JPH3: variants seen among roughly 807,000 people sequenced by gnomAD.
JPH3 encodes junctophilin 3, also known as junctophilin-3.
Under a neutral mutation model 59.6 loss-of-function variants are expected in JPH3, and 11 were observed. That is an observed-to-expected ratio of 0.18 (90% CI 0.12 to 0.31). The LOEUF (loss-of-function observed/expected upper bound fraction) is 0.31, where lower values mean the gene tolerates loss of function less well. Among genes scored for constraint, JPH3 ranks in the 10% least tolerant of loss-of-function variants. JPH3 has a pLI of 1.00. For missense variants in JPH3, 1,202 were observed against 1,105.7 expected, an observed-to-expected ratio of 1.09 and a Z score of -1.24; for synonymous variants, 673 against 483.6, an observed-to-expected ratio of 1.39 and a Z score of -5.14.
At chr16:87,627,674 A>G (rs2031427183) in intron 1 of JPH3, among the ~76,000 whole-genome samples, 2 of 152,236 alleles carry the variant, frequency 1.3e-5, no homozygotes, top group Admixed American at 6.5e-5. Flanking sequence ...TTTTATCCCC[A>G]TCTTACAGTA....
chr16:87,678,750 A>G (rs1217035963), intron 2 of JPH3, among the ~76,000 whole-genome samples: 1 of 152,188 alleles, frequency 6.6e-6, no homozygotes, highest in African/African-American at 2.4e-5. Flanking sequence ...AATCCAACGA[A>G]GAGTGCCCTC....
chr16:87,605,506 C>T (rs565963356), intron 1 of JPH3, among the ~76,000 whole-genome samples: 6 of 152,244 alleles, frequency 3.9e-5, no homozygotes, highest in South Asian at 2.1e-4. Context: ...GAAGGAGCGG[C>T]GATTATGTTG....
rs147960653 is a variant in JPH3 at position 87,643,137 on chromosome 16, C to T, written c.383-1121C>T. ...AGGACCCCGTGTACATGGAATCATC[C>T]GATATGTGGCCTTTTGTGCCCAGCT... On this transcript the variant is annotated intron_variant, in intron 1 of 4. Coordinates refer to ENST00000284262, the MANE Select transcript of JPH3 (RefSeq NM_020655.4). Among the ~76,000 whole-genome samples, 386 of 152,308 alleles carry T rather than the reference C, an allele frequency of 2.5e-3. 1 individual carries two copies. The highest frequency in any genetic ancestry group is 3.3e-3 in the Non-Finnish European group (224 of 68,036).
At chr16:87,603,808 G>A (rs566901972) in intron 1 of JPH3, among the ~76,000 whole-genome samples, 1 of 152,366 alleles carries the variant, frequency 6.6e-6, no homozygotes, top group South Asian at 2.1e-4. Flanking sequence ...GGACACAGCA[G>A]GCCGGAGACC....
intron 2 of JPH3, among the ~76,000 whole-genome samples, chr16:87,674,206 C>T (rs747747257): frequency 1.3e-5 from 2 of 151,960 alleles, no homozygotes; most frequent in South Asian, 2.1e-4. Context: ...TGGTGGCGGG[C>T]GCCTGTAGTC....
chr16:87,639,070 C>T (rs921335878), intron 1 of JPH3, among the ~76,000 whole-genome samples: 6 of 152,176 alleles, frequency 3.9e-5, no homozygotes, highest in Admixed American at 1.3e-4. Context: ...AGGGCGGCCA[C>T]AGCCCCTCTC....
At chr16:87,640,135 T>C (rs1161234757) in intron 1 of JPH3, among the ~76,000 whole-genome samples, 1 of 152,110 alleles carries the variant, frequency 6.6e-6, no homozygotes, top group Non-Finnish European at 1.5e-5. Flanking sequence ...GAGACCATCC[T>C]GGCCAACATG....
At chr16:87,695,367 G>A (rs1444029698) in intron 4 of JPH3, 3 of 456,038 alleles carry the variant, frequency 6.6e-6, no homozygotes, top group Admixed American at 2.3e-5. Flanking sequence ...CATCCCTGAG[G>A]AATGTGCATC....
chr16:87,689,503 C>T (rs994701545), intron 3 of JPH3, 143 bp from the exon 4 acceptor site: 1 of 903,466 alleles, frequency 1.1e-6, no homozygotes, highest in South Asian at 1.6e-5. Context: ...CCCCACTCCC[C>T]TCCCTTGCCT....
intron 1 of JPH3, among the ~76,000 whole-genome samples, chr16:87,630,734 C>T (rs1001268558): frequency 6.6e-6 from 1 of 152,106 alleles, no homozygotes; most frequent in African/African-American, 2.4e-5. Flanking sequence ...AGACTGACCA[C>T]CATGTTTTTA....
chr16:87,684,169 G>A lies in JPH3; in HGVS notation c.1188G>A (p.Glu396=). ...SRTSHSRAKA[E]AALTAAQKAQ... is the part of the protein sequence containing the mutation. The stretch of plus-strand genomic sequence containing the variant: ...CCTCCCACTCTCGGGCAAAGGCCGA[G>A]GCAGCCCTCACAGCAGCTCAGAAAG... Residue 396 remains glutamate (E), a synonymous_variant, in exon 3 of 5, where the codon GAG becomes GAA. Transcript: ENST00000284262. The A allele has an allele frequency of 1.2e-6, 2 of 1,613,804 alleles. No individual in the cohort carries two copies. Among genetic ancestry groups the A allele is most frequent in the South Asian group, 1.1e-5 (1 of 91,084 alleles).
intron 3 of JPH3, among the ~76,000 whole-genome samples, chr16:87,688,576 T>A (rs1597292512): frequency 1.3e-5 from 2 of 152,104 alleles, no homozygotes; most frequent in South Asian, 2.1e-4. Context: ...GGGCAGTGGC[T>A]CTTGGTGTCC....
rs183712713 is a variant in JPH3, at chr16:87,667,427, C to T, written c.1161-16715C>T. Among the ~76,000 whole-genome samples, 219 of 152,372 alleles carry T rather than the reference C, an allele frequency of 1.4e-3. 2 individuals carry two copies. The East Asian group carries it at 0.036, about 25-fold the overall frequency. Reference sequence around the variant, plus strand: ...TGTGTCATGCTCTGATCCGAACAATCGTCCTTCTGTCTGCCGCCCGACTTC... The same window carrying T: ...TGTGTCATGCTCTGATCCGAACAATTGTCCTTCTGTCTGCCGCCCGACTTC... On this transcript the variant is annotated intron_variant, in intron 2 of 4. Coordinates refer to ENST00000284262, the MANE Select transcript of JPH3 (RefSeq NM_020655.4).
chr16:87,630,439 C>T (rs899193850), intron 1 of JPH3, among the ~76,000 whole-genome samples: 1 of 152,216 alleles, frequency 6.6e-6, no homozygotes, highest in African/African-American at 2.4e-5. Context: ...TGGCATTCCC[C>T]AGCCAGTCCT....
At chr16:87,675,083 T>C (rs1210611548) in intron 2 of JPH3, among the ~76,000 whole-genome samples, 2 of 152,050 alleles carry the variant, frequency 1.3e-5, no homozygotes, top group Non-Finnish European at 1.5e-5. Context: ...ATTTTAAAAA[T>C]AAAATATCCA....
rs2030312508 is a variant in JPH3, at chr16:87,603,000, C to T, written c.-147C>T. On this transcript the variant is annotated 5_prime_UTR_variant, in exon 1 of 5. Transcript: ENST00000284262. ...CCTCCGGAGCCGGCGCCGCGGCCGC[C>T]CGCGCCCGAGACCGCGCTCCGGGGC... is the stretch of plus-strand genomic sequence containing the variant. The T allele has an allele frequency of 1.1e-6, 1 of 934,668 alleles. No individual in the cohort carries two copies. Among genetic ancestry groups the T allele is most frequent in the Non-Finnish European group, 1.5e-6 (1 of 646,690 alleles). The allele number at this position is 934,668 out of a possible 1,614,324, so 57.9% of individuals were successfully genotyped here.
chr16:87,648,946 C>T (rs1170012726), intron 2 of JPH3, among the ~76,000 whole-genome samples: 2 of 152,234 alleles, frequency 1.3e-5, no homozygotes, highest in Non-Finnish European at 2.9e-5. Flanking sequence ...CGGCTGTCTC[C>T]TGTCTGGTGT....
In JPH3 at chr16:87,602,993, C is replaced by G. The variant is rs371124696; in HGVS notation, c.-154C>G. On this transcript the variant is annotated 5_prime_UTR_variant, in exon 1 of 5. Coordinates refer to ENST00000284262, the MANE Select transcript of JPH3 (RefSeq NM_020655.4). Reference sequence around the variant, plus strand: ...TGAAATTCCTCCGGAGCCGGCGCCGCGGCCGCCCGCGCCCGAGACCGCGCT... The same window carrying G: ...TGAAATTCCTCCGGAGCCGGCGCCGGGGCCGCCCGCGCCCGAGACCGCGCT... 6.2e-6 allele frequency: 5 copies of G among 802,452 alleles called. No individual in the cohort carries two copies. The East Asian group carries it at 1.2e-4, about 19-fold the overall frequency. 49.7% of individuals were successfully genotyped at this position (802,452 alleles called of 1,614,324 possible).
intron 2 of JPH3, among the ~76,000 whole-genome samples, chr16:87,652,221 C>T (rs889953696): frequency 2.6e-5 from 4 of 152,112 alleles, no homozygotes; most frequent in Admixed American, 2.6e-4. Context: ...GAGATCCGCC[C>T]ACCTCGGCCT....
Sources: allele counts gnomAD v4.1 joint callset (sites outside exome capture counted in the v4.1 genomes callset), GRCh38; gene constraint gnomAD v4.1.1; transcripts MANE v1.5; gene names NCBI Gene and HGNC (gene_info 2026-07-23, HGNC 2026-07-21).